DMD: variants seen among roughly 807,000 people sequenced by gnomAD.
The protein encoded by DMD is mutant dystrophin.
A neutral mutation model predicts 330.1 loss-of-function variants in DMD; 63 were observed. The ratio of observed to expected loss-of-function variants is 0.19; its 90% CI spans 0.16 to 0.24. DMD has a LOEUF of 0.24. Ranked by LOEUF, DMD falls within the 10% of genes least tolerant of loss-of-function variation. The pLI, the probability that DMD is intolerant of heterozygous loss-of-function variation, is 1.00. For synonymous variants in DMD, 1,223 were observed against 959.8 expected (o/e 1.27, Z -5.07); for missense variants, 3,344 against 2,684.1 (o/e 1.25, Z -5.43).
At chrX:32,039,950 C>T (rs774042658) in intron 44 of DMD, among the ~76,000 whole-genome samples, 7 of 111,557 alleles carry the variant, frequency 6.3e-5, no homozygotes, top group Admixed American at 9.5e-5. Flanking sequence ...CAGAAGTAAA[C>T]ACATTTTAAG....
chrX:32,616,260 G>GT lies in DMD; in HGVS notation c.1332-1808dup, dbSNP rs202091350. Among the ~76,000 whole-genome samples the GT allele has an allele frequency of 6.0e-3, 666 of 110,945 alleles. 11 individuals carry two copies. Among genetic ancestry groups the GT allele is most frequent in the Admixed American group, 0.025 (264 of 10,404 alleles). On this transcript the variant is annotated intron_variant, in intron 11 of 78. Coordinates refer to ENST00000357033, the MANE Select transcript of DMD (RefSeq NM_004006.3). The stretch of plus-strand genomic sequence containing the variant: ...TACTCTTTCCCCCTCTTTTCACACT[G>GT]TTTTTTAATAAGAAAGTCACTATAC...
At chrX:32,748,047 A>G (rs1194835643) in intron 7 of DMD, among the ~76,000 whole-genome samples, 1 of 111,340 alleles carries the variant, frequency 9.0e-6, no homozygotes, top group African/African-American at 3.3e-5. Context: ...TTTTATCCTT[A>G]AAGAAAAAGT....
At chrX:32,277,027 G>A (rs189044307) in intron 43 of DMD, among the ~76,000 whole-genome samples, 2 of 111,717 alleles carry the variant, frequency 1.8e-5, no homozygotes, top group East Asian at 2.8e-4. Flanking sequence ...CCAATTTTGT[G>A]TTGACCTCAA....
Position 32,851,483 on chromosome X carries a change from C to T in DMD, c.94-1663G>A, listed in dbSNP as rs755092766. 3.7e-4 allele frequency among the ~76,000 whole-genome samples: 42 copies of T among 112,339 alleles called. 2 individuals carry two copies. The South Asian group carries it at 0.012, about 33-fold the overall frequency. On this transcript the variant is annotated intron_variant, in intron 2 of 78. Coordinates refer to ENST00000357033, the MANE Select transcript of DMD (RefSeq NM_004006.3). ...TTACTAGGAGGGAGGCAGAACAAGA[C>T]GGTCAAATACATGGAACCTTCCAGC...
chrX:31,235,621 T>C (rs2047650334), intron 63 of DMD, among the ~76,000 whole-genome samples: 1 of 112,507 alleles, frequency 8.9e-6, no homozygotes, highest in Non-Finnish European at 1.9e-5. Flanking sequence ...AGGAACTTCC[T>C]TGCTTTTACC....
chrX:31,166,674 C>G (rs1438249574), intron 74 of DMD, among the ~76,000 whole-genome samples: 3 of 111,205 alleles, frequency 2.7e-5, no homozygotes, highest in Non-Finnish European at 5.7e-5. Flanking sequence ...GAAGGCAAAT[C>G]TAGGGCTCTG....
intron 7 of DMD, among the ~76,000 whole-genome samples, chrX:32,783,105 TAC>T (rs1325658704): frequency 1.4e-4 from 14 of 102,083 alleles, no homozygotes; most frequent in East Asian, 9.3e-4. Flanking sequence ...GGTGTATATA[TAC>T]ACACACACCA....
intron 42 of DMD, among the ~76,000 whole-genome samples, chrX:32,302,871 A>G (rs1056068971): frequency 1.8e-5 from 2 of 111,101 alleles, no homozygotes; most frequent in Non-Finnish European, 3.8e-5. Context: ...ACGTTAAAAA[A>G]CAGGCCTAAA....
At chrX:32,587,285 C>T (rs775880846) in intron 13 of DMD, among the ~76,000 whole-genome samples, 2 of 111,310 alleles carry the variant, frequency 1.8e-5, no homozygotes, top group South Asian at 7.6e-4. Flanking sequence ...TAGCACATTC[C>T]CTTTGTAACC....
chrX:32,642,133 T>A (rs940454335), intron 11 of DMD, among the ~76,000 whole-genome samples: 5 of 111,966 alleles, frequency 4.5e-5, no homozygotes, highest in African/African-American at 1.6e-4. Context: ...TTTAATAGGT[T>A]TTATGCACGA....
chrX:31,471,226 G>A, intron 59 of DMD, among the ~76,000 whole-genome samples: 1 of 111,842 alleles, frequency 8.9e-6, no homozygotes, highest in Middle Eastern at 4.6e-3. Context: ...CTAGCTCGGT[G>A]TCTGCCCAAA....
At chrX:31,625,825 T>G (rs190895751) in intron 55 of DMD, among the ~76,000 whole-genome samples, 63 of 111,558 alleles carry the variant, frequency 5.6e-4, no homozygotes, top group African/African-American at 1.9e-3. Flanking sequence ...TTTAAAGATA[T>G]GTTTTATTAA....
At chrX:31,675,703 A>C (rs959420921) in intron 53 of DMD, among the ~76,000 whole-genome samples, 1 of 111,493 alleles carries the variant, frequency 9.0e-6, no homozygotes, top group Admixed American at 9.6e-5. Context: ...GTTTTTTCTA[A>C]ATGTCAGACC....
At chrX:32,684,167 C>G (rs2062673957) in intron 9 of DMD, among the ~76,000 whole-genome samples, 1 of 109,604 alleles carries the variant, frequency 9.1e-6, no homozygotes. Context: ...TCGAATAGAA[C>G]ATACTCCCTA....
chrX:31,148,410 G>C (rs1361425957), intron 74 of DMD, among the ~76,000 whole-genome samples: 1 of 112,051 alleles, frequency 8.9e-6, no homozygotes, highest in Non-Finnish European at 1.9e-5. Context: ...CTGCCATAAG[G>C]TATTATTATT....
intron 44 of DMD, among the ~76,000 whole-genome samples, chrX:32,003,955 A>G (rs1048642468): frequency 2.7e-5 from 3 of 111,716 alleles, no homozygotes; most frequent in Admixed American, 9.6e-5. Context: ...TAGGGTAAGA[A>G]AATAATGAGA....
At chrX:31,236,842 T>TA (rs1282961303) in intron 63 of DMD, among the ~76,000 whole-genome samples, 1 of 112,036 alleles carries the variant, frequency 8.9e-6, no homozygotes, top group Non-Finnish European at 1.9e-5. Context: ...AAATGTTATT[T>TA]AAAAAAATAG....
chrX:31,277,779 G>A (rs1396895984), intron 62 of DMD, among the ~76,000 whole-genome samples: 11 of 111,197 alleles, frequency 9.9e-5, no homozygotes, highest in Non-Finnish European at 1.7e-4. Context: ...CCCTTAGTAC[G>A]TCATGAAATC....
At chrX:33,051,059 C>G (rs2094449547) in intron 1 of DMD, among the ~76,000 whole-genome samples, 1 of 111,774 alleles carries the variant, frequency 8.9e-6, no homozygotes, top group Non-Finnish European at 1.9e-5. Flanking sequence ...CAGAAATCCA[C>G]TTACACTTTA....
Sources: allele counts gnomAD v4.1 joint callset (sites outside exome capture counted in the v4.1 genomes callset), GRCh38; gene constraint gnomAD v4.1.1; transcripts MANE v1.5; gene names NCBI Gene and HGNC (gene_info 2026-07-23, HGNC 2026-07-21).